The following OXTR variants were observed in gnomAD, a reference collection of about 807,000 sequenced individuals.
OXTR encodes oxytocin receptor.
OXTR carries 19 observed loss-of-function variants against 23.9 expected under a neutral mutation model. That is an observed-to-expected ratio of 0.80 (90% CI 0.56 to 1.17). The LOEUF (loss-of-function observed/expected upper bound fraction) is 1.17, where lower values mean the gene tolerates loss of function less well. Among genes scored for constraint, OXTR ranks in the 50% most tolerant of loss-of-function variants. The pLI is 0.00. For missense variants in OXTR, 500 were observed against 550.7 expected, an observed-to-expected ratio of 0.91 and a Z score of 0.92; for synonymous variants, 278 against 250.5, an observed-to-expected ratio of 1.11 and a Z score of -1.04.
rs1708308619 is a variant in OXTR, at chr3:8,753,239, GC to G, written c.923-16del. 1 of 1,613,278 alleles carries G rather than the reference GC, an allele frequency of 6.2e-7. No individual in the cohort carries two copies. Among genetic ancestry groups the G allele is most frequent in the Non-Finnish European group, 8.5e-7 (1 of 1,179,594 alleles). On this transcript the variant is annotated splice_polypyrimidine_tract_variant and intron_variant, in intron 3 of 3. Coordinates refer to ENST00000316793, the MANE Select transcript of OXTR (RefSeq NM_000916.4). ...GAAGGCCGAGGCTGAGGGGGTGGGG[GC>G]AGGAGAAAGGAGAAAAGGGCATTAA...
In OXTR at chr3:8,765,369, G is replaced by C. The variant is rs1379656537; in HGVS notation, c.922+1897C>G. Among the ~76,000 whole-genome samples the C allele has an allele frequency of 3.3e-5, 5 of 152,212 alleles. No individual in the cohort carries two copies. The East Asian group carries it at 9.6e-4, about 29-fold the overall frequency. ...CACCAGAGACTCAAGACATGAATGGGAGAGGCGAGGGGACCCCAAGGAGAG... is the reference window on the plus strand; with the variant it reads ...CACCAGAGACTCAAGACATGAATGGCAGAGGCGAGGGGACCCCAAGGAGAG... On this transcript the variant is annotated intron_variant, in intron 3 of 3. Transcript: ENST00000316793.
At chr3:8,758,360 T>C (rs1464823115) in intron 3 of OXTR, among the ~76,000 whole-genome samples, 3 of 152,164 alleles carry the variant, frequency 2.0e-5, no homozygotes, top group African/African-American at 7.2e-5. Context: ...ACGTTTCATA[T>C]GACTCAAAGA....
intron 3 of OXTR, among the ~76,000 whole-genome samples, chr3:8,760,925 T>A (rs1708471323): frequency 6.6e-6 from 1 of 152,194 alleles, no homozygotes; most frequent in South Asian, 2.1e-4. Flanking sequence ...ACAAGGGGTC[T>A]AAGCCAGCAG....
In OXTR at chr3:8,768,023, G is replaced by T; in HGVS notation, c.165C>A (p.Ser55Arg). ...VLCLILLLAL[S>R]GNACVLLALR... ...GCGCCAGCAGCACACACGCGTTCCCGCTCAGCGCCAGGAGCAGGATGAGAC... is the reference window on the plus strand; with the variant it reads ...GCGCCAGCAGCACACACGCGTTCCCTCTCAGCGCCAGGAGCAGGATGAGAC... The change falls in exon 3 of 4, where the codon AGC becomes AGA. Residue 55 changes from serine to arginine, a missense_variant. Transcript: ENST00000316793. This position sits in a 1 kb window ranked among gnomAD's most constrained non-coding sequence, Gnocchi z 5.4. The T allele has an allele frequency of 6.2e-7, 1 of 1,605,232 alleles. No individual in the cohort carries two copies. Among genetic ancestry groups the T allele is most frequent in the Non-Finnish European group, 8.5e-7 (1 of 1,176,600 alleles).
intron 3 of OXTR, among the ~76,000 whole-genome samples, chr3:8,761,814 G>A (rs1031546082): frequency 1.2e-4 from 18 of 152,206 alleles, no homozygotes; most frequent in African/African-American, 2.4e-5. Context: ...TCCATTATGA[G>A]CCGTTATCCC....
chr3:8,761,484 A>G (rs1408792720), intron 3 of OXTR, among the ~76,000 whole-genome samples: 1 of 93,112 alleles, frequency 1.1e-5, no homozygotes. Context: ...GATCATCGGG[A>G]AAACTGCTGG....
In OXTR at chr3:8,768,050, C is replaced by G; in HGVS notation, c.138G>C (p.Leu46=). The G allele has an allele frequency of 6.4e-7, 1 of 1,572,710 alleles. No individual in the cohort carries two copies. The highest frequency in any genetic ancestry group is 2.4e-5 in the East Asian group (1 of 40,858). The change falls in exon 3 of 4, where the codon CTG becomes CTC. Residue 46 remains leucine (L), a synonymous_variant. Transcript: ENST00000316793. The surrounding 1 kb of genome is among the most constrained non-coding windows in gnomAD (Gnocchi z 5.4). The part of the protein sequence containing the change: ...EALARVEVAV[L]CLILLLALSG... ...TCAGCGCCAGGAGCAGGATGAGACA[C>G]AGCACCGCCACCTCCACGCGCGCCA...
At chr3:8,741,992 T>A in the OXTR span, among the ~76,000 whole-genome samples, 1 of 152,186 alleles carries the variant, frequency 6.6e-6, no homozygotes. Flanking sequence ...CTGCACACAG[T>A]GTCCTGAGCC....
Position 8,767,482 on chromosome 3 carries a change from C to A in OXTR, c.706G>T (p.Ala236Ser), listed in dbSNP as rs1189532457. 6.8e-6 allele frequency: 11 copies of A among 1,606,368 alleles called. No individual in the cohort carries two copies. The highest frequency in any genetic ancestry group is 1.3e-5 in the African/African-American group (1 of 74,706). ...GGCGCCTCGGCCGCCGCCGCTGCAG[C>A]GGTCTTGAGCCGCAAGTTCTGCCAG... is the stretch of plus-strand genomic sequence containing the variant. ...KIWQNLRLKT[A>S]AAAAAEAPEG... The change falls in exon 3 of 4, where the codon GCT becomes TCT. Residue 236 changes from alanine (A) to serine (S), a missense_variant. Transcript: ENST00000316793.
At chr3:8,762,652 T>C (rs897054262) in intron 3 of OXTR, among the ~76,000 whole-genome samples, 1 of 152,150 alleles carries the variant, frequency 6.6e-6, no homozygotes, top group Non-Finnish European at 1.5e-5. Context: ...ACAGCATTCA[T>C]GGAAAGGAAA....
At chr3:8,764,580 C>A (rs981824899) in intron 3 of OXTR, among the ~76,000 whole-genome samples, 1 of 152,216 alleles carries the variant, frequency 6.6e-6, no homozygotes, top group African/African-American at 2.4e-5. Context: ...GATGCAGACA[C>A]CATTTCCACC....
At chr3:8,765,964 A>G (rs974005960) in intron 3 of OXTR, among the ~76,000 whole-genome samples, 1 of 152,148 alleles carries the variant, frequency 6.6e-6, no homozygotes, top group Non-Finnish European at 1.5e-5. Flanking sequence ...AAAGTTACCA[A>G]ACTGAATGAA....
chr3:8,762,861 T>C (rs1248416798), intron 3 of OXTR, among the ~76,000 whole-genome samples: 1 of 152,200 alleles, frequency 6.6e-6, no homozygotes, highest in African/African-American at 2.4e-5. Context: ...CAGTTCTGTT[T>C]CAGACAGCTG....
At chr3:8,746,799 T>TCTCACACACACACACACACACA (rs1226912382), downstream of OXTR, 55 of 147,082 alleles carry the variant, frequency 3.7e-4, no homozygotes, top group African/African-American at 1.2e-3. Context: ...TCTCTCTCTC[T>TCTCACACACACACACACACACA]CACACACACA....
downstream of OXTR, chr3:8,746,084 C>T: frequency 1.9e-6 from 1 of 539,104 alleles, no homozygotes; most frequent in Non-Finnish European, 3.3e-6. Flanking sequence ...ACCATGATGC[C>T]CCCATGCCTG....
At position 8,753,180 on chromosome 3, in the gene OXTR, A is replaced by C. The variant is rs1454863747; in HGVS notation, c.967T>G (p.Cys323Gly). 3 of 1,613,996 alleles carry C rather than the reference A, an allele frequency of 1.9e-6. No homozygotes were observed. In the East Asian group the frequency reaches 6.7e-5, roughly 36 times the overall value. Reference sequence around the variant, plus strand: ...AGCATGTAGATCCAGGGGTTGCAGCAGCTGTTGAGGCTGGCCAGGAGCATG... The same window carrying C: ...AGCATGTAGATCCAGGGGTTGCAGCCGCTGTTGAGGCTGGCCAGGAGCATG... ...IVMLLASLNSCCNPWIYMLFT... is the reference protein window; with the variant it reads ...IVMLLASLNSGCNPWIYMLFT... Residue 323 changes from cysteine (C) to glycine (G), a missense_variant, in exon 4 of 4, where the codon TGC (cysteine) becomes GGC (glycine). Cys to Gly is a radical substitution (Grantham distance 159). Transcript: ENST00000316793.
chr3:8,748,477 C>G (rs533252735), downstream of OXTR, among the ~76,000 whole-genome samples: 2 of 152,286 alleles, frequency 1.3e-5, no homozygotes, highest in East Asian at 1.9e-4. Context: ...GCATCTGTGC[C>G]GTAATCAGGC....
At chr3:8,746,115 G>A, downstream of OXTR, 1 of 490,724 alleles carries the variant, frequency 2.0e-6, no homozygotes, top group Non-Finnish European at 3.7e-6. Flanking sequence ...AAGATCATTT[G>A]CCAAGAGGCA....
chr3:8,745,404 AG>A (rs1708120787), downstream of OXTR: 3 of 727,764 alleles, frequency 4.1e-6, no homozygotes, highest in Non-Finnish European at 7.4e-6. This position sits in a 1 kb window ranked among gnomAD's most constrained non-coding sequence, Gnocchi z 4.8. Context: ...TAATACAGGT[AG>A]GGTCCAGCCA....
Sources: gnomAD v4.1 joint callset for allele counts (sites outside exome capture counted in the v4.1 genomes callset) on GRCh38, gnomAD v4.1.1 for gene constraint, Gnocchi (gnomAD v3.1) non-coding constraint, MANE v1.5 for transcripts, NCBI Gene and HGNC (gene_info 2026-07-23, HGNC 2026-07-21) for gene names.